The following TTC12 variants were observed in gnomAD, a reference collection of about 807,000 sequenced individuals.
The protein encoded by TTC12 is tetratricopeptide repeat protein 12.
A neutral mutation model predicts 90.1 loss-of-function variants in TTC12; 70 were observed. The ratio of observed to expected loss-of-function variants is 0.78; its 90% CI spans 0.64 to 0.95. TTC12 has a LOEUF of 0.95. Ranked by LOEUF, TTC12 falls within the 40% of genes least tolerant of loss-of-function variation. The pLI, the probability that TTC12 is intolerant of heterozygous loss-of-function variation, is 0.00. For synonymous variants in TTC12, 296 were observed against 311.5 expected (o/e 0.95, Z 0.53); for missense variants, 819 against 846.1 (o/e 0.97, Z 0.40).
Position 113,338,931 on chromosome 11 carries a change from A to G in TTC12, c.637+97A>G, listed in dbSNP as rs932934418. The G allele has an allele frequency of 3.7e-6, 4 of 1,091,076 alleles. No individual in the cohort carries two copies. In the African/African-American group the frequency reaches 4.7e-5, roughly 13 times the overall value. The allele number at this position is 1,091,076 out of a possible 1,614,324, so 67.6% of individuals were successfully genotyped here. The stretch of plus-strand genomic sequence containing the variant: ...CGTGCTTTCACTGCCCTTGGCCACT[A>G]GGCAGCGGCGGATCCTCTTTCCTGC... On this transcript the variant is annotated intron_variant, in intron 9 of 21. Transcript: ENST00000529221.
At chr11:113,325,341 AG>A (rs1471061422) in intron 5 of TTC12, among the ~76,000 whole-genome samples, 182 bp from the exon 6 acceptor site, 1 of 152,164 alleles carries the variant, frequency 6.6e-6, no homozygotes, top group Non-Finnish European at 1.5e-5. Flanking sequence ...GTGGATTTGG[AG>A]GAAAAAAAAT....
At position 113,364,859 on chromosome 11, in the gene TTC12, T is replaced by G. The variant is rs757355987; in HGVS notation, c.1841T>G (p.Leu614Arg). ...DKKLSVMMKL[L>R]SSEDEVLVGN... ...GAGTTGAGCGTTATGATGAAGCTGCTCAGCTCGGAGGATGAGGTTCTGGTG... is the reference window on the plus strand; with the variant it reads ...GAGTTGAGCGTTATGATGAAGCTGCGCAGCTCGGAGGATGAGGTTCTGGTG... The change falls in exon 21 of 22, where the codon CTC becomes CGC. Residue 614 changes from leucine to arginine, a missense_variant. Leu to Arg is a moderately radical substitution (Grantham distance 102). Transcript: ENST00000529221. 6.2e-7 allele frequency: 1 copy of G among 1,614,212 alleles called. No homozygotes were observed. The highest frequency in any genetic ancestry group is 1.1e-5 in the South Asian group (1 of 91,082).
chr11:113,340,738 G>A lies in TTC12; in HGVS notation c.896+5G>A. 6.2e-7 allele frequency: 1 copy of A among 1,611,740 alleles called. No homozygotes were observed. On this transcript the variant is annotated splice_donor_5th_base_variant and intron_variant, in intron 11 of 21. Transcript: ENST00000529221. ...TGACAACGAGGTCATAAGAAGGTAG[G>A]GATGTTCATAGAGACAGCCCAGCAG...
At chr11:113,323,563 T>C in intron 3 of TTC12, 112 bp downstream of exon 3, 2 of 674,644 alleles carry the variant, frequency 3.0e-6, no homozygotes, top group Non-Finnish European at 4.4e-6. Context: ...TTTTGTTTCT[T>C]AGATTTATTT....
Position 113,363,917 on chromosome 11 carries a change from A to T in TTC12, c.1806A>T (p.Arg602Ser), listed in dbSNP as rs1341829806. 4 of 1,611,096 alleles carry T rather than the reference A, an allele frequency of 2.5e-6. No homozygotes were observed. In the African/African-American group the frequency reaches 5.3e-5, roughly 22 times the overall value. The change falls in exon 20 of 22, where the codon AGA (arginine) becomes AGT (serine). Residue 602 changes from arginine (R) to serine (S), a missense_variant. By Grantham distance (110) the Arg-to-Ser change is moderately radical (BLOSUM62 -1). Coordinates refer to ENST00000529221, the MANE Select transcript of TTC12 (RefSeq NM_017868.4). ...SYHEAREEVI[R>S]LDKKLSVMMK... ...ATGAAGCTCGGGAAGAAGTAATAAG[A>T]CTGGATAAAAGTAAGTGATGATTTC... is the stretch of plus-strand genomic sequence containing the variant.
intron 8 of TTC12, among the ~76,000 whole-genome samples, chr11:113,337,712 C>G (rs1948447184): frequency 6.6e-6 from 1 of 152,162 alleles, no homozygotes; most frequent in Non-Finnish European, 1.5e-5. Context: ...AAGGATTACT[C>G]TGACTGCCAT....
At chr11:113,340,621 C>A in intron 10 of TTC12, 43 bp from the exon 11 acceptor site, 1 of 1,525,012 alleles carries the variant, frequency 6.6e-7, no homozygotes, top group Non-Finnish European at 9.1e-7. Flanking sequence ...CACCAGCCAG[C>A]CAGTTTGGGA....
chr11:113,339,470 T>C lies in TTC12; in HGVS notation c.822T>C (p.Asn274=). ...TTGAGATCCTGACTGAAATGATAAA[T>C]GAGTGTAAGCCAGAGATGTGTGTGA... The part of the protein sequence containing the change: ...GGIEILTEMI[N]ECTEQTLFRM... Residue 274 remains asparagine (N), a synonymous_variant, in exon 10 of 22, where the codon AAT becomes AAC. Transcript: ENST00000529221. 1 of 1,610,824 alleles carries C rather than the reference T, an allele frequency of 6.2e-7. No homozygotes were observed. The highest frequency in any genetic ancestry group is 8.5e-7 in the Non-Finnish European group (1 of 1,179,010).
At chr11:113,332,677 C>A (rs1021527979) in intron 7 of TTC12, among the ~76,000 whole-genome samples, 1 of 152,198 alleles carries the variant, frequency 6.6e-6, no homozygotes, top group African/African-American at 2.4e-5. Flanking sequence ...GGCTCTCAGA[C>A]CTACTTCCCC....
chr11:113,344,410 G>A lies in TTC12; in HGVS notation c.1124G>A (p.Ser375Asn). The change falls in exon 13 of 22, where the codon AGC becomes AAC. Residue 375 changes from serine (S) to asparagine (N), a missense_variant. Coordinates refer to ENST00000529221, the MANE Select transcript of TTC12 (RefSeq NM_017868.4). Reference sequence around the variant, plus strand: ...CTCGCCCAGACTGAGAGCGGACGGAGCCTGATCATCAACCACCTTGACCTG... The same window carrying A: ...CTCGCCCAGACTGAGAGCGGACGGAACCTGATCATCAACCACCTTGACCTG... ...LHLAQTESGR[S>N]LIINHLDLTR... 6.2e-7 allele frequency: 1 copy of A among 1,614,084 alleles called. No homozygotes were observed. The highest frequency in any genetic ancestry group is 8.5e-7 in the Non-Finnish European group (1 of 1,180,008).
chr11:113,351,789 C>T (rs554763166), intron 15 of TTC12, among the ~76,000 whole-genome samples: 2 of 152,294 alleles, frequency 1.3e-5, no homozygotes, highest in East Asian at 3.9e-4. Flanking sequence ...CAGTATGTCA[C>T]AGCTATGGAA....
At chr11:113,320,774 G>A (rs564891271) in intron 2 of TTC12, among the ~76,000 whole-genome samples, 3 of 152,208 alleles carry the variant, frequency 2.0e-5, no homozygotes, top group South Asian at 4.1e-4. Flanking sequence ...GCACTTGTCC[G>A]TCTGCGTTCT....
chr11:113,336,861 A>G (rs1285669680), intron 8 of TTC12, among the ~76,000 whole-genome samples: 3 of 152,180 alleles, frequency 2.0e-5, no homozygotes, highest in African/African-American at 7.2e-5. Flanking sequence ...GAACTTCAAG[A>G]TTATCGTGTC....
At chr11:113,342,961 T>G (rs1948761316) in intron 12 of TTC12, among the ~76,000 whole-genome samples, 2 of 152,250 alleles carry the variant, frequency 1.3e-5, no homozygotes, top group African/African-American at 2.4e-5. Flanking sequence ...TGTGAACCTA[T>G]TTATCGTTTC....
chr11:113,350,273 G>A, intron 14 of TTC12, 108 bp downstream of exon 14: 1 of 842,768 alleles, frequency 1.2e-6, no homozygotes, highest in Non-Finnish European at 1.9e-6. Flanking sequence ...GTCTCCAAGT[G>A]AGTATTGCAA....
chr11:113,350,286 T>C, intron 14 of TTC12, 121 bp downstream of exon 14: 5 of 738,688 alleles, frequency 6.8e-6, no homozygotes, highest in East Asian at 2.8e-5. Context: ...TATTGCAAGA[T>C]TCACTGAGTA....
At chr11:113,343,858 G>A (rs781927691) in intron 12 of TTC12, among the ~76,000 whole-genome samples, 2 of 152,166 alleles carry the variant, frequency 1.3e-5, no homozygotes, top group Non-Finnish European at 2.9e-5. Flanking sequence ...TATGAATATT[G>A]ATGGCCTAAA....
At chr11:113,342,110 G>T (rs1555146380) in intron 12 of TTC12, among the ~76,000 whole-genome samples, 185 bp downstream of exon 12, 1 of 152,214 alleles carries the variant, frequency 6.6e-6, no homozygotes, top group Non-Finnish European at 1.5e-5. Context: ...GAGCAAGGTT[G>T]GGGTGAAGGG....
At position 113,320,437 on chromosome 11, in the gene TTC12, G is replaced by C. The variant is rs1947238469; in HGVS notation, c.59-2851G>C. Among the ~76,000 whole-genome samples, 3 of 152,102 alleles carry C rather than the reference G, an allele frequency of 2.0e-5. No individual in the cohort carries two copies. In the South Asian group the frequency reaches 6.2e-4, roughly 32 times the overall value. Reference sequence around the variant, plus strand: ...ATGTCTGAACGCCGAGAGGAGTTTGGCTGGGAGCAGCCAGAGGGGAGTTGG... The same window carrying C: ...ATGTCTGAACGCCGAGAGGAGTTTGCCTGGGAGCAGCCAGAGGGGAGTTGG... On this transcript the variant is annotated intron_variant, in intron 2 of 21. Transcript: ENST00000529221.
Sources: gnomAD v4.1 joint callset for allele counts (sites outside exome capture counted in the v4.1 genomes callset) on GRCh38, gnomAD v4.1.1 for gene constraint, MANE v1.5 for transcripts, NCBI Gene and HGNC (gene_info 2026-07-23, HGNC 2026-07-21) for gene names.